The following NINJ2 variants were observed in gnomAD, a reference collection of about 807,000 sequenced individuals.
NINJ2 encodes the protein ninjurin-2.
NINJ2 carries 12 observed loss-of-function variants against 11.7 expected under a neutral mutation model. That is an observed-to-expected ratio of 1.02 (90% CI 0.66 to 1.66). The LOEUF is 1.66. Among genes scored for constraint, NINJ2 ranks in the 40% most tolerant of loss-of-function variants. The probability of loss-of-function intolerance (pLI) is 0.00; values close to 1 mark genes in which losing one functional copy is unlikely to be tolerated. For synonymous variants in NINJ2, 93 were observed against 76.8 expected (o/e 1.21, Z -1.10); for missense variants, 187 against 181.8 (o/e 1.03, Z -0.16).
intron 1 of NINJ2, among the ~76,000 whole-genome samples, chr12:594,824 A>T (rs1295972366): frequency 3.3e-5 from 5 of 152,206 alleles, no homozygotes; most frequent in African/African-American, 1.2e-4. Context: ...ATATCAACAA[A>T]CCGATTCTAA....
At chr12:566,412 C>A (rs925683568) in intron 1 of NINJ2, among the ~76,000 whole-genome samples, 2 of 152,160 alleles carry the variant, frequency 1.3e-5, no homozygotes, top group African/African-American at 4.8e-5. Flanking sequence ...TGGAGAGTCA[C>A]CCCTTCCCTC....
At chr12:645,593 AGTGGTC>A (rs1192888162) in intron 1 of NINJ2, 1 of 152,206 alleles carries the variant, frequency 6.6e-6, no homozygotes, top group African/African-American at 2.4e-5. Context: ...AGGGGCACAA[AGTGGTC>A]AACCTGGAAG....
At position 580,598 on chromosome 12, in the gene NINJ2, A is replaced by T. The variant is rs113242393; in HGVS notation, c.34-14420T>A. On this transcript the variant is annotated intron_variant, in intron 1 of 3. Coordinates refer to ENST00000305108, the MANE Select transcript of NINJ2 (RefSeq NM_016533.6). The surrounding 1 kb of genome is among the most constrained non-coding windows in gnomAD (Gnocchi z 4.7). ...AGAGACCCTGTCTCAAAAAAAAAAA[A>T]ATATATATATATATATATCCATTTG... is the stretch of plus-strand genomic sequence containing the variant. Among the ~76,000 whole-genome samples the T allele has an allele frequency of 0.1, 6,195 of 60,340 alleles. 232 individuals carry two copies. The highest frequency in any genetic ancestry group is 0.21 in the East Asian group (605 of 2,948). The allele number at this position is 60,340 out of a possible 152,430, so 39.6% of individuals were successfully genotyped here.
chr12:643,822 C>G, intron 1 of NINJ2: 4 of 295,988 alleles, frequency 1.4e-5, no homozygotes, highest in Non-Finnish European at 2.0e-5. Context: ...TCTTGAGCTA[C>G]CAGCTCATCG....
At chr12:639,124 T>G (rs1445489567) in intron 1 of NINJ2, among the ~76,000 whole-genome samples, 3 of 152,044 alleles carry the variant, frequency 2.0e-5, no homozygotes, top group Admixed American at 1.3e-4. Flanking sequence ...ATTTCCTTCC[T>G]CCTACTACCC....
rs1413458875 is a variant in NINJ2, at chr12:628,150, C to T, written c.33+35178G>A. On this transcript the variant is annotated intron_variant, in intron 1 of 3. Coordinates refer to ENST00000305108, the MANE Select transcript of NINJ2 (RefSeq NM_016533.6). The surrounding 1 kb of genome is among the most constrained non-coding windows in gnomAD (Gnocchi z 4.4). ...CCTGCAGGATCCCTGCACCGCTTTA[C>T]TGGATCCCCAGGTTGAGCTGAGATG... Among the ~76,000 whole-genome samples the T allele has an allele frequency of 6.6e-6, 1 of 152,236 alleles. No homozygotes were observed. Among genetic ancestry groups the T allele is most frequent in the Non-Finnish European group, 1.5e-5 (1 of 68,040 alleles).
intron 1 of NINJ2, chr12:632,482 G>A (rs907010495): frequency 6.6e-6 from 1 of 152,220 alleles, no homozygotes; most frequent in Admixed American, 6.5e-5. Flanking sequence ...TGTTCACAGG[G>A]TGTCTGTGCA....
At chr12:612,237 T>A (rs1948041418) in intron 1 of NINJ2, among the ~76,000 whole-genome samples, 1 of 152,152 alleles carries the variant, frequency 6.6e-6, no homozygotes, top group Admixed American at 6.5e-5. Context: ...GAAATAAACT[T>A]CCATTTTGGT....
Position 566,084 on chromosome 12 carries a change from A to G in NINJ2, c.128T>C (p.Phe43Ser), listed in dbSNP as rs1306348876. The change falls in exon 2 of 4, where the codon TTC becomes TCC. Residue 43 changes from phenylalanine (F) to serine (S), a missense_variant. By Grantham distance (155) the Phe-to-Ser change is radical. Coordinates refer to ENST00000305108, the MANE Select transcript of NINJ2 (RefSeq NM_016533.6). ...VAESMLDVAL[F>S]MSNAMRLKAV... Reference sequence around the variant, plus strand: ...CTTCAGCCGCATGGCGTTGGACATGAACAGGGCCACGTCCAGCATGCTCTC... The same window carrying G: ...CTTCAGCCGCATGGCGTTGGACATGGACAGGGCCACGTCCAGCATGCTCTC... 1 of 1,614,168 alleles carries G rather than the reference A, an allele frequency of 6.2e-7. No individual in the cohort carries two copies. Among genetic ancestry groups the G allele is most frequent in the Admixed American group, 1.7e-5 (1 of 60,012 alleles).
Position 616,856 on chromosome 12 carries a change from G to C in NINJ2, c.33+46472C>G, listed in dbSNP as rs530287438. Among the ~76,000 whole-genome samples the C allele has an allele frequency of 1.9e-3, 290 of 152,304 alleles. 1 individual carries two copies. Among genetic ancestry groups the C allele is most frequent in the South Asian group, 0.018 (85 of 4,822 alleles). Reference sequence around the variant, plus strand: ...AATGAAGGATCAAAAGACGCTAAAAGCTTACCTTGGCATCTCAGGCACTTG... The same window carrying C: ...AATGAAGGATCAAAAGACGCTAAAACCTTACCTTGGCATCTCAGGCACTTG... On this transcript the variant is annotated intron_variant, in intron 1 of 3. Coordinates refer to ENST00000305108, the MANE Select transcript of NINJ2 (RefSeq NM_016533.6).
intron 1 of NINJ2, among the ~76,000 whole-genome samples, chr12:572,618 GCA>G (rs1947393417): frequency 6.6e-6 from 1 of 152,206 alleles, no homozygotes; most frequent in South Asian, 2.1e-4. Flanking sequence ...TGGGCTCTCA[GCA>G]CACTGGAACG....
At chr12:592,429 G>A (rs747502295) in intron 1 of NINJ2, among the ~76,000 whole-genome samples, 11 of 152,180 alleles carry the variant, frequency 7.2e-5, no homozygotes, top group African/African-American at 1.9e-4. Flanking sequence ...GGCCAGGAGC[G>A]GTGGCTCACT....
At chr12:603,363 C>G (rs2120914980) in intron 1 of NINJ2, among the ~76,000 whole-genome samples, 1 of 152,292 alleles carries the variant, frequency 6.6e-6, no homozygotes, top group South Asian at 2.1e-4. Flanking sequence ...CTCCCATTAT[C>G]TGGATTCTCT....
chr12:647,627 A>T (rs1412229274), intron 1 of NINJ2, among the ~76,000 whole-genome samples: 1 of 152,202 alleles, frequency 6.6e-6, no homozygotes, highest in East Asian at 1.9e-4. Context: ...TGCAGGTGCT[A>T]CAGGACTACC....
intron 1 of NINJ2, among the ~76,000 whole-genome samples, chr12:657,988 CTTTTTTTTT>C (rs1164230214): frequency 1.8e-5 from 1 of 54,396 alleles, no homozygotes; most frequent in African/African-American, 7.5e-5. Context: ...CCTACACAGG[CTTTTTTTTT>C]TTTTTTTTTT....
chr12:579,262 A>G (rs1398298023), intron 1 of NINJ2, among the ~76,000 whole-genome samples: 1 of 152,204 alleles, frequency 6.6e-6, no homozygotes, highest in Non-Finnish European at 1.5e-5. Flanking sequence ...GAGAAAGGGA[A>G]GGTGGTGAAT....
At chr12:644,772 T>G (rs1023534877) in intron 1 of NINJ2, 13 of 152,218 alleles carry the variant, frequency 8.5e-5, no homozygotes, top group African/African-American at 3.1e-4. Flanking sequence ...TTCAAAAATT[T>G]TACATGATAG....
chr12:565,733 G>T (rs1947288047), intron 2 of NINJ2: 1 of 647,352 alleles, frequency 1.5e-6, no homozygotes. Flanking sequence ...ACTGCGGAGG[G>T]TCTGCTCCAT....
At chr12:641,755 G>C (rs1320837036) in intron 1 of NINJ2, among the ~76,000 whole-genome samples, 2 of 149,996 alleles carry the variant, frequency 1.3e-5, no homozygotes, top group African/African-American at 4.9e-5. Flanking sequence ...TGAGGGAGGA[G>C]AATTGCTTGA....
Sources: gnomAD v4.1 joint callset for allele counts (sites outside exome capture counted in the v4.1 genomes callset) on GRCh38, gnomAD v4.1.1 for gene constraint, Gnocchi (gnomAD v3.1) non-coding constraint, MANE v1.5 for transcripts, NCBI Gene and HGNC (gene_info 2026-07-23, HGNC 2026-07-21) for gene names.